Variants in LHFPL2 observed in about 807,000 individuals in gnomAD.
The protein encoded by LHFPL2 is LHFPL tetraspan subfamily member 2 protein.
In LHFPL2, 7 loss-of-function variants were observed where a neutral mutation model predicts 17.5. The ratio of observed to expected loss-of-function variants is 0.40; its 90% CI spans 0.23 to 0.75. The LOEUF (loss-of-function observed/expected upper bound fraction) is 0.75, where lower values mean the gene tolerates loss of function less well. Among genes scored for constraint, LHFPL2 ranks in the 30% least tolerant of loss-of-function variants. The pLI is 0.37. For missense variants in LHFPL2, 241 were observed against 294.8 expected (o/e 0.82, Z 1.34); for synonymous variants, 134 against 116.2 (o/e 1.15, Z -0.99).
chr5:78,534,759 G>A (rs944821503), intron 3 of LHFPL2, among the ~76,000 whole-genome samples: 47 of 152,294 alleles, frequency 3.1e-4, no homozygotes, highest in African/African-American at 1.1e-3. Flanking sequence ...CCCATCAACA[G>A]CAAATGGTGC....
At chr5:78,601,663 T>C (rs1298495477) in intron 2 of LHFPL2, among the ~76,000 whole-genome samples, 1 of 152,128 alleles carries the variant, frequency 6.6e-6, no homozygotes, top group Non-Finnish European at 1.5e-5. Context: ...GTCTCTAGGG[T>C]GGGCTGAACA....
At chr5:78,525,120 G>A (rs12518046) in intron 3 of LHFPL2, among the ~76,000 whole-genome samples, 10,141 of 152,188 alleles carry the variant, frequency 0.067, 445 homozygotes, top group East Asian at 0.2. Flanking sequence ...GCTCTCAGTC[G>A]TGGCCAAAAA....
chr5:78,567,798 G>A (rs538747451), intron 2 of LHFPL2, among the ~76,000 whole-genome samples: 11 of 152,078 alleles, frequency 7.2e-5, no homozygotes, highest in Non-Finnish European at 1.3e-4. Flanking sequence ...GCAAGCAGGA[G>A]AGAAAATTTT....
intron 2 of LHFPL2, among the ~76,000 whole-genome samples, chr5:78,568,439 C>A (rs559923047): frequency 6.6e-6 from 1 of 152,162 alleles, no homozygotes; most frequent in Non-Finnish European, 1.5e-5. Context: ...ACGGCCCCCA[C>A]GTGATGGGCA....
intron 3 of LHFPL2, among the ~76,000 whole-genome samples, chr5:78,514,794 A>T (rs536831857): frequency 6.6e-6 from 1 of 152,322 alleles, no homozygotes; most frequent in South Asian, 2.1e-4. Context: ...CAATGTTTTG[A>T]AGAACACTAC....
At chr5:78,522,186 G>A (rs764932335) in intron 3 of LHFPL2, among the ~76,000 whole-genome samples, 1 of 152,150 alleles carries the variant, frequency 6.6e-6, no homozygotes, top group Admixed American at 6.5e-5. Flanking sequence ...GCTCACAGCT[G>A]TAATCTAGGG....
At chr5:78,509,373 C>T (rs1397036962) in intron 4 of LHFPL2, among the ~76,000 whole-genome samples, 4 of 152,228 alleles carry the variant, frequency 2.6e-5, no homozygotes, top group Non-Finnish European at 4.4e-5. Context: ...CCCCCGCTTA[C>T]ATTCCTCTTA....
At chr5:78,612,817 C>T (rs1744465193) in intron 2 of LHFPL2, among the ~76,000 whole-genome samples, 1 of 152,198 alleles carries the variant, frequency 6.6e-6, no homozygotes, top group African/African-American at 2.4e-5. Context: ...TTTAAAGTGC[C>T]CTTAAGGCTG....
intron 4 of LHFPL2, among the ~76,000 whole-genome samples, chr5:78,502,368 A>C (rs1190204024): frequency 6.6e-6 from 1 of 152,220 alleles, no homozygotes; most frequent in East Asian, 1.9e-4. Flanking sequence ...TCCTGTTTAA[A>C]AGCAAATTAC....
rs112430626 is a variant in LHFPL2 at position 78,562,820 on chromosome 5, G to A, written c.-186+1993C>T. ...TTTTATTAGGTTAAGTATTCAGAGA[G>A]GGGCATTTCAAGGGAACACACCACC... On this transcript the variant is annotated intron_variant, in intron 3 of 4. Transcript: ENST00000380345. Among the ~76,000 whole-genome samples, 612 of 152,252 alleles carry A rather than the reference G, an allele frequency of 4.0e-3. 3 individuals carry two copies. The highest frequency in any genetic ancestry group is 0.014 in the African/African-American group (575 of 41,546).
chr5:78,488,913 A>C lies in LHFPL2; in HGVS notation c.671T>G (p.Leu224Arg). The C allele has an allele frequency of 6.2e-7, 1 of 1,614,098 alleles. No individual in the cohort carries two copies. The highest frequency in any genetic ancestry group is 8.5e-7 in the Non-Finnish European group (1 of 1,179,938). ...VQEEIEEGKN[L>R]ICLL is the part of the protein sequence containing the mutation. ...TCTTCCAAACTAAAGGAGGCAGATC[A>C]GATTTTTCCCCTCTTCAATTTCTTC... is the stretch of plus-strand genomic sequence containing the variant. Residue 224 changes from leucine (L) to arginine (R), a missense_variant, in exon 5 of 5, where the codon CTG becomes CGG. Leu to Arg is a moderately radical substitution (Grantham distance 102, BLOSUM62 -2). Transcript: ENST00000380345.
chr5:78,613,427 T>C (rs1018497994), intron 2 of LHFPL2, among the ~76,000 whole-genome samples: 1 of 152,174 alleles, frequency 6.6e-6, no homozygotes. Context: ...CACCGACTAG[T>C]AGAGTGCATT....
intron 3 of LHFPL2, among the ~76,000 whole-genome samples, chr5:78,562,234 C>T (rs1347367662): frequency 6.6e-6 from 1 of 152,144 alleles, no homozygotes; most frequent in Non-Finnish European, 1.5e-5. Flanking sequence ...GATGAGAATT[C>T]CACATGGTAA....
Position 78,529,008 on chromosome 5 carries a change from G to A in LHFPL2, c.-185-18610C>T, listed in dbSNP as rs1755700751. On this transcript the variant is annotated intron_variant, in intron 3 of 4. Transcript: ENST00000380345. ...ATACTTTAAAACTTTTCCCAGGTAT[G>A]GTAGCTCATGCCTGTAATCCCACCA... Among the ~76,000 whole-genome samples the A allele has an allele frequency of 2.6e-5, 4 of 152,262 alleles. No individual in the cohort carries two copies. The South Asian group carries it at 8.3e-4, about 32-fold the overall frequency.
intron 3 of LHFPL2, among the ~76,000 whole-genome samples, chr5:78,512,905 C>T (rs1228446448): frequency 6.6e-6 from 1 of 151,916 alleles, no homozygotes; most frequent in African/African-American, 2.4e-5. Context: ...CAAGCACACA[C>T]GACCATGCCT....
intron 1 of LHFPL2, among the ~76,000 whole-genome samples, chr5:78,639,240 G>C (rs1293996774): frequency 6.6e-6 from 1 of 152,062 alleles, no homozygotes; most frequent in African/African-American, 2.4e-5. Flanking sequence ...AGCTCTTTTT[G>C]GCTTGGTAAC....
intron 1 of LHFPL2, chr5:78,644,782 A>G: frequency 8.7e-6 from 2 of 231,096 alleles, no homozygotes; most frequent in Non-Finnish European, 1.8e-5. Context: ...TCCTCCCAAC[A>G]AGTGTGGACA....
chr5:78,540,526 G>C (rs1208676276), intron 3 of LHFPL2, among the ~76,000 whole-genome samples: 2 of 152,212 alleles, frequency 1.3e-5, no homozygotes, highest in Non-Finnish European at 2.9e-5. Flanking sequence ...ATGGCCTTCA[G>C]AACACATAGG....
chr5:78,532,839 T>C (rs1472922778), intron 3 of LHFPL2, among the ~76,000 whole-genome samples: 1 of 152,118 alleles, frequency 6.6e-6, no homozygotes, highest in East Asian at 1.9e-4. Flanking sequence ...TTTCAAGTAA[T>C]GTCAGAGGCA....
Sources: gnomAD v4.1 joint callset for allele counts (sites outside exome capture counted in the v4.1 genomes callset) on GRCh38, gnomAD v4.1.1 for gene constraint, MANE v1.5 for transcripts, NCBI Gene and HGNC (gene_info 2026-07-23, HGNC 2026-07-21) for gene names.